ADD1: variants seen among roughly 807,000 people sequenced by gnomAD.
The protein encoded by ADD1 is adducin 1, also known as alpha-adducin.
Under a neutral mutation model 80.5 loss-of-function variants are expected in ADD1, and 24 were observed. That is an observed-to-expected ratio of 0.30 (90% confidence interval 0.22 to 0.42). ADD1 has a LOEUF of 0.42. Ranked by LOEUF, ADD1 falls within the 10% of genes least tolerant of loss-of-function variation. The pLI is 1.00. For synonymous variants in ADD1, 373 were observed against 393.8 expected, an observed-to-expected ratio of 0.95 and a Z score of 0.63; for missense variants, 948 against 1,019.0, an observed-to-expected ratio of 0.93 and a Z score of 0.95.
rs773652931 is a variant in ADD1 at position 2,926,607 on chromosome 4, G to T, written c.2047+495G>T. On this transcript the variant is annotated intron_variant, in intron 15 of 15. Transcript: ENST00000683351. This position sits in a 1 kb window ranked among gnomAD's most constrained non-coding sequence, Gnocchi z 5.0. ...GACTGAATGCATAGATTCTCTCCTT[G>T]TGCTTTTTTCTCCCTGTGGCTGCGT... The T allele has an allele frequency of 6.2e-7, 1 of 1,612,260 alleles. No homozygotes were observed. The highest frequency in any genetic ancestry group is 8.5e-7 in the Non-Finnish European group (1 of 1,179,080).
intron 14 of ADD1, among the ~76,000 whole-genome samples, chr4:2,920,584 T>A (rs1739835491): frequency 6.6e-6 from 1 of 152,146 alleles, no homozygotes; most frequent in Non-Finnish European, 1.5e-5. Flanking sequence ...CATTATGTAA[T>A]GCCCTGCTTT....
intron 10 of ADD1, chr4:2,905,339 T>C: frequency 3.5e-6 from 2 of 564,668 alleles, no homozygotes; most frequent in Admixed American, 6.3e-5. Context: ...AGTTCCAGTA[T>C]ATCTCCGTAT....
At chr4:2,906,348 A>G (rs758109048) in intron 10 of ADD1, among the ~76,000 whole-genome samples, 1 of 147,218 alleles carries the variant, frequency 6.8e-6, no homozygotes, top group Non-Finnish European at 1.5e-5. Context: ...TCATTTGTTT[A>G]TTTTTTACTT....
At chr4:2,864,535 A>AT (rs1293285548) in intron 1 of ADD1, among the ~76,000 whole-genome samples, 2 of 152,178 alleles carry the variant, frequency 1.3e-5, no homozygotes, top group African/African-American at 4.8e-5. Context: ...TCCTCTGTTC[A>AT]TTTTATACTC....
At position 2,927,878 on chromosome 4, in the gene ADD1, G is replaced by C. The variant is rs2071694; in HGVS notation, c.2048-293G>C. On this transcript the variant is annotated intron_variant, in intron 15 of 15. Transcript: ENST00000683351. ...GCTCCTTTAGTCGTCCTCAGCTTGT[G>C]CTGCAGTCTGTCTTTCCGGCGGGGG... Among the ~76,000 whole-genome samples the C allele has an allele frequency of 0.01, 1,568 of 152,222 alleles. 194 individuals carry two copies. The East Asian group carries it at 0.27, about 26-fold the overall frequency.
At chr4:2,903,886 G>A (rs1456939220) in intron 9 of ADD1, among the ~76,000 whole-genome samples, 1 of 152,208 alleles carries the variant, frequency 6.6e-6, no homozygotes, top group African/African-American at 2.4e-5. Flanking sequence ...AGTAAGTGGG[G>A]CTGTCTTTTA....
chr4:2,865,474 A>G (rs1197996507), intron 1 of ADD1, among the ~76,000 whole-genome samples: 2 of 152,222 alleles, frequency 1.3e-5, no homozygotes, highest in Non-Finnish European at 2.9e-5. Context: ...TTCTCAGTTC[A>G]CTTACCCATT....
At chr4:2,885,516 G>A (rs906405878) in intron 4 of ADD1, among the ~76,000 whole-genome samples, 2 of 152,022 alleles carry the variant, frequency 1.3e-5, no homozygotes, top group Non-Finnish European at 2.9e-5. Context: ...ACTGACATTT[G>A]TAGCCATTCT....
At chr4:2,868,182 T>TA (rs1171480869) in intron 1 of ADD1, 1 of 152,248 alleles carries the variant, frequency 6.6e-6, no homozygotes, top group Non-Finnish European at 1.5e-5. Context: ...GCTAGTACTG[T>TA]AAGCAGTGGG....
At chr4:2,864,509 C>T (rs1249431739) in intron 1 of ADD1, among the ~76,000 whole-genome samples, 3 of 152,168 alleles carry the variant, frequency 2.0e-5, no homozygotes, top group Non-Finnish European at 4.4e-5. Flanking sequence ...GCTGAAAATA[C>T]AATGTTCCAA....
At chr4:2,863,376 A>G (rs1229917507) in intron 1 of ADD1, among the ~76,000 whole-genome samples, 1 of 151,920 alleles carries the variant, frequency 6.6e-6, no homozygotes, top group African/African-American at 2.4e-5. Context: ...GAATTTTTAG[A>G]CTTCAGAAAT....
intron 1 of ADD1, among the ~76,000 whole-genome samples, chr4:2,867,665 G>A (rs760644675): frequency 6.6e-6 from 1 of 152,214 alleles, no homozygotes; most frequent in African/African-American, 2.4e-5. Context: ...CTGGGAAGCC[G>A]TTAACTAACC....
intron 6 of ADD1, among the ~76,000 whole-genome samples, chr4:2,897,541 C>A (rs905242830): frequency 1.0e-4 from 10 of 99,148 alleles, no homozygotes; most frequent in Non-Finnish European, 2.0e-4. Context: ...AAACCTCCTC[C>A]TTTTTTTTTT....
At position 2,928,228 on chromosome 4, in the gene ADD1, C is replaced by A. The variant is rs747395569; in HGVS notation, c.2105C>A (p.Thr702Asn). ...AGTGATGCTGCCACCTTTAAGCCAA[C>A]TCTCCCCGATCTGTCCCCTGATGAA... Reference protein sequence around the residue: ...DDSDAATFKPTLPDLSPDEPS... With the variant: ...DDSDAATFKPNLPDLSPDEPS... Residue 702 changes from threonine to asparagine, a missense_variant, in exon 16 of 16, where the codon ACT becomes AAT. Transcript: ENST00000683351. 1.2e-6 allele frequency: 2 copies of A among 1,614,128 alleles called. No homozygotes were observed. The highest frequency in any genetic ancestry group is 1.7e-6 in the Non-Finnish European group (2 of 1,180,032).
At chr4:2,909,192 G>A (rs1737578024) in intron 12 of ADD1, 147 bp from the exon 13 acceptor site, 3 of 676,538 alleles carry the variant, frequency 4.4e-6, no homozygotes, top group Non-Finnish European at 7.9e-6. Context: ...CGTGTTCAGT[G>A]TCTGCACGTC....
chr4:2,896,559 A>G (rs1735270701), intron 6 of ADD1, among the ~76,000 whole-genome samples: 1 of 151,832 alleles, frequency 6.6e-6, no homozygotes, highest in Non-Finnish European at 1.5e-5. Context: ...GATGAACATT[A>G]CCTCTGGTTT....
chr4:2,881,187 C>G (rs1218457239), intron 2 of ADD1, among the ~76,000 whole-genome samples: 1 of 146,304 alleles, frequency 6.8e-6, no homozygotes, highest in Non-Finnish European at 1.5e-5. Context: ...AAGCAATTCT[C>G]CTTTCTCAGC....
At chr4:2,927,934 T>C (rs999501076) in intron 15 of ADD1, among the ~76,000 whole-genome samples, 1 of 152,174 alleles carries the variant, frequency 6.6e-6, no homozygotes, top group African/African-American at 2.4e-5. Flanking sequence ...TCTGGTGTTG[T>C]CAGCACACTG....
chr4:2,846,836 A>AG (rs1726275092), intron 1 of ADD1, among the ~76,000 whole-genome samples: 1 of 146,624 alleles, frequency 6.8e-6, no homozygotes, highest in Admixed American at 6.8e-5. Context: ...AAAAAAAAAA[A>AG]GCCGAGCGTG....
Sources: allele counts gnomAD v4.1 joint callset (sites outside exome capture counted in the v4.1 genomes callset), GRCh38; gene constraint gnomAD v4.1.1; non-coding constraint Gnocchi (gnomAD v3.1); transcripts MANE v1.5; gene names NCBI Gene and HGNC (gene_info 2026-07-23, HGNC 2026-07-21).